DLEC1: variants seen among roughly 807,000 people sequenced by gnomAD.
DLEC1 encodes deleted in lung and esophageal cancer protein 1.
A neutral mutation model predicts 198.1 loss-of-function variants in DLEC1; 146 were observed. That is an observed-to-expected ratio of 0.74 (90% CI 0.64 to 0.85). The LOEUF is 0.85. Among genes scored for constraint, DLEC1 ranks in the 40% least tolerant of loss-of-function variants. The pLI, the probability that DLEC1 is intolerant of heterozygous loss-of-function variation, is 0.00. For missense variants in DLEC1, 2,233 were observed against 2,220.0 expected (o/e 1.01, Z -0.12); for synonymous variants, 897 against 866.8 (o/e 1.03, Z -0.61).
intron 35 of DLEC1, 144 bp downstream of exon 35, chr3:38,121,925 T>TC (rs1408554466): frequency 2.0e-6 from 3 of 1,504,832 alleles, no homozygotes; most frequent in Non-Finnish European, 2.7e-6. Context: ...GAGCAGCCAG[T>TC]CCCCCAATCC....
At chr3:38,107,027 G>A (rs1699602073) in intron 19 of DLEC1, among the ~76,000 whole-genome samples, 1 of 152,162 alleles carries the variant, frequency 6.6e-6, no homozygotes, top group African/African-American at 2.4e-5. Context: ...AAAAGCTGGA[G>A]ATATAGGCAA....
At chr3:38,097,418 G>A in intron 16 of DLEC1, 89 bp from the exon 17 acceptor site, 1 of 1,583,248 alleles carries the variant, frequency 6.3e-7, no homozygotes, top group Non-Finnish European at 8.6e-7. Context: ...GAGATGAGAA[G>A]TCTGTGCAAG....
chr3:38,103,168 G>A (rs1435018366), intron 19 of DLEC1: 4 of 152,184 alleles, frequency 2.6e-5, no homozygotes, highest in Non-Finnish European at 5.9e-5. Flanking sequence ...AGTCTCCGTT[G>A]TCTATCATTC....
chr3:38,108,604 C>A, intron 21 of DLEC1, 89 bp downstream of exon 21: 2 of 1,024,744 alleles, frequency 2.0e-6, no homozygotes, highest in Non-Finnish European at 3.0e-6. Context: ...CTAGCTTAGG[C>A]CACATTGCTG....
chr3:38,111,382 G>C (rs1013943438), intron 23 of DLEC1, among the ~76,000 whole-genome samples: 2 of 152,248 alleles, frequency 1.3e-5, no homozygotes, highest in African/African-American at 4.8e-5. Context: ...CCATGGCACA[G>C]AGCCTGTGGG....
chr3:38,082,025 C>T (rs1477585843), intron 6 of DLEC1, among the ~76,000 whole-genome samples: 1 of 129,544 alleles, frequency 7.7e-6, no homozygotes, highest in Non-Finnish European at 1.7e-5. Context: ...CGGAGGGGCT[C>T]CTCACTTCTC....
Position 38,117,858 on chromosome 3 carries a change from A to C in DLEC1, c.4538A>C (p.Glu1513Ala). 1 of 1,614,154 alleles carries C rather than the reference A, an allele frequency of 6.2e-7. No homozygotes were observed. Among genetic ancestry groups the C allele is most frequent in the South Asian group, 1.1e-5 (1 of 91,074 alleles). ...CACCTGAAGCTGACCAACACTACAG[A>C]GATCCCACACTACTTCCGGCTTATG... ...THHLKLTNTT[E>A]IPHYFRLMVS... Residue 1513 changes from glutamate (E) to alanine (A), a missense_variant, in exon 33 of 37, where the codon GAG (glutamate) becomes GCG (alanine). Glu to Ala is a moderately radical substitution (Grantham distance 107). Transcript: ENST00000308059.
intron 28 of DLEC1, 22 bp from the exon 29 acceptor site, chr3:38,116,751 C>T: frequency 3.1e-6 from 5 of 1,609,034 alleles, no homozygotes; most frequent in Non-Finnish European, 4.2e-6. Context: ...CTGCGTGAAC[C>T]TCAGTGATTC....
intron 10 of DLEC1, among the ~76,000 whole-genome samples, chr3:38,088,987 C>T (rs1698607524): frequency 6.6e-6 from 1 of 152,148 alleles, no homozygotes; most frequent in Admixed American, 6.5e-5. Flanking sequence ...ACTTCCTGTC[C>T]CTGTTGCAGC....
chr3:38,115,265 C>G (rs1194446498), intron 27 of DLEC1, among the ~76,000 whole-genome samples: 1 of 152,150 alleles, frequency 6.6e-6, no homozygotes, highest in Non-Finnish European at 1.5e-5. Flanking sequence ...AGAGGGGATC[C>G]CTTTCTCATT....
rs1439668376 is a variant in DLEC1, at chr3:38,122,469, G to T, written c.*57G>T. On this transcript the variant is annotated 3_prime_UTR_variant, in exon 37 of 37. Coordinates refer to ENST00000308059, the MANE Select transcript of DLEC1 (RefSeq NM_007335.4). ...AGCTGGAGAAAAAACATTGCCCAGG[G>T]ATTAGGAGCAGCTCTTCAGCACAAA... The T allele has an allele frequency of 3.1e-6, 5 of 1,613,562 alleles. No individual in the cohort carries two copies. In the African/African-American group the frequency reaches 4.0e-5, roughly 13 times the overall value.
chr3:38,077,126 G>A (rs746306009), intron 6 of DLEC1, among the ~76,000 whole-genome samples: 13 of 152,212 alleles, frequency 8.5e-5, no homozygotes, highest in Non-Finnish European at 1.8e-4. Flanking sequence ...AGTCCTGCCA[G>A]CAAAGATTAT....
chr3:38,111,248 A>G (rs1471852017), intron 23 of DLEC1, among the ~76,000 whole-genome samples: 1 of 152,330 alleles, frequency 6.6e-6, no homozygotes, highest in Non-Finnish European at 1.5e-5. Context: ...TTAACTTTCT[A>G]TTGTGGAAAG....
At chr3:38,087,586 G>A (rs898472310) in intron 9 of DLEC1, among the ~76,000 whole-genome samples, 1 of 150,676 alleles carries the variant, frequency 6.6e-6, no homozygotes, top group Non-Finnish European at 1.5e-5. Flanking sequence ...CCATCCATCA[G>A]CATGCTCACA....
Position 38,122,429 on chromosome 3 carries a change from T to TCAGCCCC in DLEC1, c.*18_*24dup. The TCAGCCCC allele has an allele frequency of 6.2e-7, 1 of 1,614,106 alleles. No homozygotes were observed. The highest frequency in any genetic ancestry group is 8.5e-7 in the Non-Finnish European group (1 of 1,180,012). On this transcript the variant is annotated 3_prime_UTR_variant, in exon 37 of 37. Transcript: ENST00000308059. ...CAGCCCTGAGGCTCCGCCCCAGCCCTCAGCCCCAGGCCCCAGCTGGAGAAA... is the reference window on the plus strand; with the variant it reads ...CAGCCCTGAGGCTCCGCCCCAGCCCTCAGCCCCCAGCCCCAGGCCCCAGCTGGAGAAA...
At chr3:38,098,813 G>C (rs1291547604) in intron 18 of DLEC1, among the ~76,000 whole-genome samples, 1 of 152,156 alleles carries the variant, frequency 6.6e-6, no homozygotes, top group East Asian at 1.9e-4. Context: ...TCCTTTACCT[G>C]ATGGCCTATA....
intron 11 of DLEC1, 140 bp downstream of exon 11, chr3:38,093,020 A>G: frequency 2.5e-6 from 2 of 800,126 alleles, no homozygotes; most frequent in East Asian, 2.7e-5. Flanking sequence ...TGCAGCCTCC[A>G]GGTGCCAGAG....
chr3:38,058,343 T>A (rs763185224), intron 2 of DLEC1, among the ~76,000 whole-genome samples: 2 of 152,158 alleles, frequency 1.3e-5, no homozygotes, highest in Non-Finnish European at 2.9e-5. Flanking sequence ...CACTTTCTGG[T>A]GCTCTAGGTT....
At chr3:38,095,174 A>C in intron 13 of DLEC1, 103 bp downstream of exon 13, 1 of 1,446,866 alleles carries the variant, frequency 6.9e-7, no homozygotes, top group Non-Finnish European at 9.5e-7. Context: ...GGGCCCACCG[A>C]GGTGCTATCC....
Sources: gnomAD v4.1 joint callset for allele counts (sites outside exome capture counted in the v4.1 genomes callset) on GRCh38, gnomAD v4.1.1 for gene constraint, MANE v1.5 for transcripts, NCBI Gene and HGNC (gene_info 2026-07-23, HGNC 2026-07-21) for gene names.